The following ARID4A variants were observed in gnomAD, a reference collection of about 807,000 sequenced individuals.
ARID4A encodes the protein AT-rich interactive domain-containing protein 4A.
A neutral mutation model predicts 148.6 loss-of-function variants in ARID4A; 39 were observed. That is an observed-to-expected ratio of 0.26 (90% CI 0.20 to 0.34). The LOEUF (loss-of-function observed/expected upper bound fraction) is 0.34, where lower values mean the gene tolerates loss of function less well. ARID4A is among the 10% of genes least tolerant of loss of function. The probability of loss-of-function intolerance (pLI) is 1.00; values close to 1 mark genes in which losing one functional copy is unlikely to be tolerated. For missense variants in ARID4A, 1,265 were observed against 1,449.1 expected (o/e 0.87, Z 2.06); for synonymous variants, 475 against 481.2 (o/e 0.99, Z 0.17).
At chr14:58,360,266 A>AGG (rs771414431) in intron 18 of ARID4A, among the ~76,000 whole-genome samples, 14 of 152,210 alleles carry the variant, frequency 9.2e-5, no homozygotes, top group Non-Finnish European at 1.6e-4. Context: ...GACAAACGAG[A>AGG]GGTCACATTC....
At chr14:58,354,580 G>T (rs963490550) in intron 17 of ARID4A, among the ~76,000 whole-genome samples, 1 of 152,034 alleles carries the variant, frequency 6.6e-6, no homozygotes, top group African/African-American at 2.4e-5. Flanking sequence ...TTACCCAGAA[G>T]GCTGAGGTGG....
rs79864997 is a variant in ARID4A, at chr14:58,367,573, G to A, written c.3670+544G>A. Among the ~76,000 whole-genome samples the A allele has an allele frequency of 2.0e-3, 304 of 152,336 alleles. 9 individuals carry two copies. In the East Asian group the frequency reaches 0.053, roughly 27 times the overall value. On this transcript the variant is annotated intron_variant, in intron 23 of 23. Coordinates refer to ENST00000355431, the MANE Select transcript of ARID4A (RefSeq NM_002892.4). Reference sequence around the variant, plus strand: ...ATCTTAACATCTAGTGGAACAGTGTGTACCCTGAGAATGATATTAACGAGT... The same window carrying A: ...ATCTTAACATCTAGTGGAACAGTGTATACCCTGAGAATGATATTAACGAGT...
intron 8 of ARID4A, 56 bp downstream of exon 8, chr14:58,323,673 G>A: frequency 6.8e-7 from 1 of 1,464,888 alleles, no homozygotes; most frequent in Non-Finnish European, 9.3e-7. Flanking sequence ...GTTTTAAATG[G>A]ATTTTTTTAA....
chr14:58,320,965 A>T (rs2032850621), intron 7 of ARID4A, among the ~76,000 whole-genome samples: 1 of 152,038 alleles, frequency 6.6e-6, no homozygotes, highest in Non-Finnish European at 1.5e-5. Context: ...GTTCCCTAAT[A>T]TGTTGGATTG....
intron 17 of ARID4A, among the ~76,000 whole-genome samples, chr14:58,355,450 A>G (rs542480070): frequency 1.2e-4 from 18 of 152,356 alleles, no homozygotes; most frequent in African/African-American, 2.9e-4. Context: ...GCACAGTAAG[A>G]GATTAACAAC....
rs774332476 is a variant in ARID4A, at chr14:58,347,827, C to T, written c.1353C>T (p.Ile451=). ...TEVKSEPEEN[I]DSNSESEREE... is the part of the protein sequence containing the mutation. ...TGAAGAGTGAACCTGAGGAAAATAT[C>T]GATTCAAACAGTGAAAGTGAAAGAG... Residue 451 remains isoleucine (I), a synonymous_variant, in exon 15 of 24, where the codon ATC becomes ATT. Transcript: ENST00000355431. The T allele has an allele frequency of 1.4e-5, 22 of 1,613,448 alleles. No individual in the cohort carries two copies. The highest frequency in any genetic ancestry group is 4.5e-5 in the East Asian group (2 of 44,814).
Position 58,328,260 on chromosome 14 carries a change from T to C in ARID4A, c.606T>C (p.Asp202=), listed in dbSNP as rs757236554. ...PALVISPSCN[D]DITVKKDQCL... ...AGGTAATATCTCCCAGCTGTAATGA[T>C]GACATCACAGTGAAAAAGGATCAGT... The change falls in exon 9 of 24, where the codon GAT becomes GAC. Residue 202 remains aspartate, a synonymous_variant. Coordinates refer to ENST00000355431, the MANE Select transcript of ARID4A (RefSeq NM_002892.4). The C allele has an allele frequency of 3.7e-6, 6 of 1,601,466 alleles. No homozygotes were observed. The South Asian group carries it at 5.5e-5, about 15-fold the overall frequency.
At chr14:58,302,009 A>G (rs1402282495) in intron 3 of ARID4A, among the ~76,000 whole-genome samples, 1 of 152,206 alleles carries the variant, frequency 6.6e-6, no homozygotes, top group Admixed American at 6.5e-5. Context: ...TGTTTAGGAC[A>G]ATACAAATAC....
intron 11 of ARID4A, among the ~76,000 whole-genome samples, chr14:58,340,211 CT>C (rs1030124329): frequency 2.0e-5 from 3 of 151,506 alleles, no homozygotes; most frequent in Admixed American, 6.6e-5. Context: ...CCACCTGTGT[CT>C]TTTTTTTTCT....
At chr14:58,342,035 G>A (rs2034141300) in intron 11 of ARID4A, among the ~76,000 whole-genome samples, 2 of 152,142 alleles carry the variant, frequency 1.3e-5, no homozygotes, top group African/African-American at 2.4e-5. Flanking sequence ...AAAGCAAACC[G>A]TGATAGCAAT....
chr14:58,367,890 T>C (rs1440126167), intron 23 of ARID4A, among the ~76,000 whole-genome samples: 6 of 152,188 alleles, frequency 3.9e-5, no homozygotes, highest in African/African-American at 1.2e-4. Flanking sequence ...ATGCTGAAAC[T>C]AAGCTTGCTT....
intron 11 of ARID4A, among the ~76,000 whole-genome samples, chr14:58,334,465 A>G (rs1222950547): frequency 6.6e-6 from 1 of 152,182 alleles, no homozygotes; most frequent in Admixed American, 6.5e-5. Flanking sequence ...CTGTAGGTGT[A>G]AAACAGGAAA....
In ARID4A at chr14:58,373,058, T is replaced by C; in HGVS notation, c.*1069T>C. 5.0e-6 allele frequency: 1 copy of C among 199,974 alleles called. No individual in the cohort carries two copies. Among genetic ancestry groups the C allele is most frequent in the Non-Finnish European group, 1.0e-5 (1 of 96,818 alleles). The allele number at this position is 199,974 out of a possible 1,614,324, so 12.4% of individuals were successfully genotyped here. Reference sequence around the variant, plus strand: ...CAGTCCATCAAACAGTATAGAACTATAAATGGGCATCTGGATCATTAAAGT... The same window carrying C: ...CAGTCCATCAAACAGTATAGAACTACAAATGGGCATCTGGATCATTAAAGT... On this transcript the variant is annotated 3_prime_UTR_variant, in exon 24 of 24. Transcript: ENST00000355431.
chr14:58,329,949 T>G (rs1296944281), intron 10 of ARID4A, 54 bp from the exon 11 acceptor site: 1 of 1,543,920 alleles, frequency 6.5e-7, no homozygotes, highest in East Asian at 2.3e-5. Flanking sequence ...GCCTTTTCTA[T>G]TGTTCTATGC....
chr14:58,359,361 C>A, intron 18 of ARID4A, 145 bp downstream of exon 18: 1 of 664,548 alleles, frequency 1.5e-6, no homozygotes, highest in Non-Finnish European at 2.4e-6. Context: ...CTCTCTGCCC[C>A]ATGCATGCAT....
chr14:58,334,151 G>A (rs890167424), intron 11 of ARID4A, among the ~76,000 whole-genome samples: 2 of 151,940 alleles, frequency 1.3e-5, no homozygotes, highest in Non-Finnish European at 2.9e-5. Context: ...CAAAAATATA[G>A]CTACATACAG....
intron 11 of ARID4A, among the ~76,000 whole-genome samples, chr14:58,338,544 G>A (rs2033945788): frequency 6.6e-6 from 1 of 151,976 alleles, no homozygotes; most frequent in South Asian, 2.1e-4. Flanking sequence ...CCTTCAAACT[G>A]AGCCTCATTT....
In ARID4A at chr14:58,364,540, A is replaced by G. The variant is rs2035270333; in HGVS notation, c.2451A>G (p.Ala817=). The change falls in exon 20 of 24, where the codon GCA becomes GCG. Residue 817 remains alanine (A), a synonymous_variant. Transcript: ENST00000355431. ...TTTCATCATTTGGCCAGAATGAAGC[A>G]GGAAGTGAACCTCATATAGAAGCTC... The part of the protein sequence containing the change: ...IKISSFGQNE[A]GSEPHIEAHS... 3 of 1,611,540 alleles carry G rather than the reference A, an allele frequency of 1.9e-6. No individual in the cohort carries two copies. The highest frequency in any genetic ancestry group is 2.5e-6 in the Non-Finnish European group (3 of 1,179,538).
chr14:58,344,796 G>C (rs2034276203), intron 12 of ARID4A, 29 bp downstream of exon 12: 1 of 1,526,702 alleles, frequency 6.6e-7, no homozygotes, highest in Non-Finnish European at 9.0e-7. Context: ...TTTTAAAGTA[G>C]TCATTTCTTT....
Sources: gnomAD v4.1 joint callset for allele counts (sites outside exome capture counted in the v4.1 genomes callset) on GRCh38, gnomAD v4.1.1 for gene constraint, MANE v1.5 for transcripts, NCBI Gene and HGNC (gene_info 2026-07-23, HGNC 2026-07-21) for gene names.